Variants in THBS2 observed in about 807,000 individuals in gnomAD.
THBS2 encodes the protein thrombospondin 2.
A neutral mutation model predicts 135.2 loss-of-function variants in THBS2; 47 were observed. The ratio of observed to expected loss-of-function variants is 0.35; its 90% CI spans 0.28 to 0.44. THBS2 has a LOEUF of 0.44. THBS2 is among the 20% of genes least tolerant of loss of function. THBS2 has a pLI of 1.00. For missense variants in THBS2, 1,288 were observed against 1,603.1 expected (o/e 0.80, Z 3.36); for synonymous variants, 639 against 633.8 (o/e 1.01, Z -0.12).
intron 8 of THBS2, 102 bp downstream of exon 8, chr6:169,237,523 C>A (rs996569853): frequency 7.1e-6 from 11 of 1,553,302 alleles, no homozygotes; most frequent in Middle Eastern, 2.1e-4. Context: ...AAAGGCCCAG[C>A]ACCTCGTGAG....
At position 169,250,731 on chromosome 6, in the gene THBS2, A is replaced by C. The variant is rs1305503820; in HGVS notation, c.52+2T>G. 6.2e-7 allele frequency: 1 copy of C among 1,613,272 alleles called. No individual in the cohort carries two copies. The highest frequency in any genetic ancestry group is 8.5e-7 in the Non-Finnish European group (1 of 1,179,654). On this transcript the variant is annotated splice_donor_variant, in intron 2 of 21. Transcript: ENST00000617924. LOFTEE classifies it high-confidence loss of function. ...GAGACCACAGGCTCTGAGGACACTC[A>C]CCTTGCGTGCTGGGCCACACCCACA...
chr6:169,246,379 C>T, intron 3 of THBS2, 98 bp from the exon 4 acceptor site: 1 of 998,044 alleles, frequency 1.0e-6, no homozygotes, highest in Non-Finnish European at 1.6e-6. Context: ...TTGGAATCTT[C>T]AAGTAGTGAG....
chr6:169,227,404 CG>C (rs1779674134), intron 15 of THBS2, among the ~76,000 whole-genome samples: 1 of 152,202 alleles, frequency 6.6e-6, no homozygotes, highest in Non-Finnish European at 1.5e-5. Flanking sequence ...AAGCAGCAAC[CG>C]GGATCAGTGG....
chr6:169,227,173 G>C (rs1015784019), intron 15 of THBS2, among the ~76,000 whole-genome samples: 23 of 152,272 alleles, frequency 1.5e-4, no homozygotes, highest in Middle Eastern at 3.4e-3. Flanking sequence ...GGCTCAGAAA[G>C]GGGGTGGCTG....
chr6:169,216,106 A>G lies in THBS2; in HGVS notation c.*1716T>C, dbSNP rs1377621523. 4 of 152,180 alleles carry G rather than the reference A, an allele frequency of 2.6e-5. No individual in the cohort carries two copies. Among genetic ancestry groups the G allele is most frequent in the African/African-American group, 9.7e-5 (4 of 41,430 alleles). The allele number at this position is 152,180 out of a possible 1,614,324, so 9.4% of individuals were successfully genotyped here. ...TCGCTACATTTAATGAAGTATCCCA[A>G]CGCTTCGTTGGTCTCGGGAATACAG... On this transcript the variant is annotated 3_prime_UTR_variant, in exon 22 of 22. Coordinates refer to ENST00000617924, the MANE Select transcript of THBS2 (RefSeq NM_003247.5).
Position 169,245,112 on chromosome 6 carries a change from G to T in THBS2, c.694+1085C>A, listed in dbSNP as rs144498928. On this transcript the variant is annotated intron_variant, in intron 4 of 21. Coordinates refer to ENST00000617924, the MANE Select transcript of THBS2 (RefSeq NM_003247.5). ...TTGGAATTGAAATGGCCTGGCCTTC[G>T]TGTGCACACGGCCACACCGTGTGGC... 3.8e-3 allele frequency among the ~76,000 whole-genome samples: 576 copies of T among 152,302 alleles called. 4 individuals carry two copies. Among genetic ancestry groups the T allele is most frequent in the African/African-American group, 0.013 (555 of 41,582 alleles).
Position 169,225,264 on chromosome 6 carries a change from G to C in THBS2, c.2654C>G (p.Ala885Gly). 2.5e-6 allele frequency: 4 copies of C among 1,611,456 alleles called. No homozygotes were observed. Among genetic ancestry groups the C allele is most frequent in the Non-Finnish European group, 2.5e-6 (3 of 1,178,674 alleles). The stretch of plus-strand genomic sequence containing the variant: ...GCCCTGGCCGTCTCTGTCATGGTCA[G>C]CCTGGTTGGCGTTGGAGATGTAGGG... Reference protein sequence around the residue: ...NCPYISNANQADHDRDGQGDA... With the variant: ...NCPYISNANQGDHDRDGQGDA... Residue 885 changes from alanine (A) to glycine (G), a missense_variant, in exon 17 of 22, where the codon GCT becomes GGT. Around this residue, in one of 2 missense-constraint regions of THBS2, gnomAD observed 874 missense variants for 1,156.1 expected, o/e 0.76. Coordinates refer to ENST00000617924, the MANE Select transcript of THBS2 (RefSeq NM_003247.5).
At chr6:169,229,815 G>C (rs6422748) in intron 13 of THBS2, 136 bp from the exon 14 acceptor site, 384,497 of 641,872 alleles carry the variant, frequency 0.6, 118,137 homozygotes, top group African/African-American at 0.83. Flanking sequence ...AGCGGGAGCT[G>C]AGAGAGGAGC....
chr6:169,227,671 C>T (rs1779686309), intron 15 of THBS2, among the ~76,000 whole-genome samples: 1 of 152,172 alleles, frequency 6.6e-6, no homozygotes, highest in Non-Finnish European at 1.5e-5. Flanking sequence ...GCATGGGTCC[C>T]TATGGGAATA....
At chr6:169,218,287 T>C (rs1033439356) in intron 21 of THBS2, among the ~76,000 whole-genome samples, 2 of 147,700 alleles carry the variant, frequency 1.4e-5, no homozygotes, top group African/African-American at 5.1e-5. Context: ...GATTGGTGGA[T>C]GGATGAAATG....
chr6:169,223,228 G>A lies in THBS2; in HGVS notation c.3001+20C>T, dbSNP rs767749131. On this transcript the variant is annotated intron_variant, in intron 18 of 21. Coordinates refer to ENST00000617924, the MANE Select transcript of THBS2 (RefSeq NM_003247.5). ...CCCCCGGAGAAATGCTGGCACCACC[G>A]CCGTGTCTCAGAGACTCACCTACAG... 9 of 1,601,458 alleles carry A rather than the reference G, an allele frequency of 5.6e-6. No homozygotes were observed. Among genetic ancestry groups the A allele is most frequent in the African/African-American group, 1.3e-5 (1 of 74,750 alleles).
intron 1 of THBS2, 39 bp from the exon 2 acceptor site, chr6:169,250,845 A>G: frequency 1.3e-6 from 2 of 1,483,274 alleles, no homozygotes; most frequent in Non-Finnish European, 1.9e-6. Flanking sequence ...ATGAGTCCAC[A>G]GCTGCAACCC....
At chr6:169,232,588 C>T in intron 12 of THBS2, 76 bp downstream of exon 12, 1 of 1,531,956 alleles carries the variant, frequency 6.5e-7, no homozygotes, top group East Asian at 2.3e-5. Context: ...CCTCTCCTTC[C>T]TCCTGCTGCT....
chr6:169,218,941 GGATGA>G (rs1413828963), intron 21 of THBS2, among the ~76,000 whole-genome samples: 2 of 149,190 alleles, frequency 1.3e-5, no homozygotes, highest in Admixed American at 6.7e-5. Flanking sequence ...GTAGGTGGGT[GGATGA>G]GATGAGTGGA....
Position 169,232,946 on chromosome 6 carries a change from C to T in THBS2, c.1723G>A (p.Gly575Ser), listed in dbSNP as rs371565024. The T allele has an allele frequency of 7.0e-6, 11 of 1,569,114 alleles. No individual in the cohort carries two copies. The Admixed American group carries it at 9.6e-5, about 14-fold the overall frequency. Residue 575 changes from glycine to serine, a missense_variant, in exon 11 of 22, where the codon GGC becomes AGC. Around this residue, in one of 2 missense-constraint regions of THBS2, gnomAD observed 874 missense variants for 1,156.1 expected, o/e 0.76. Transcript: ENST00000617924. Reference sequence around the variant, plus strand: ...CCCAAGAAGCCCACAGGGCAGGAGCCGCATGACCAGGACCCATCGGGGAAG... The same window carrying T: ...CCCAAGAAGCCCACAGGGCAGGAGCTGCATGACCAGGACCCATCGGGGAAG... ...SSFPDGSWSC[G>S]SCPVGFLGNG...
rs184192325 is a variant in THBS2 at position 169,251,758 on chromosome 6, T to C, written c.-22-952A>G. Among the ~76,000 whole-genome samples the C allele has an allele frequency of 1.2e-4, 18 of 152,234 alleles. No individual in the cohort carries two copies. In the East Asian group the frequency reaches 2.3e-3, roughly 20 times the overall value. Reference sequence around the variant, plus strand: ...CCTGGAAATCCTCACCTTCCAGGAATAGAGAAACATTCCTCAGAAGAAGAG... The same window carrying C: ...CCTGGAAATCCTCACCTTCCAGGAACAGAGAAACATTCCTCAGAAGAAGAG... On this transcript the variant is annotated intron_variant, in intron 1 of 21. Coordinates refer to ENST00000617924, the MANE Select transcript of THBS2 (RefSeq NM_003247.5).
chr6:169,242,775 TTCCCACCTTCCCACCAC>T (rs1480381192), intron 4 of THBS2, among the ~76,000 whole-genome samples: 1 of 120,750 alleles, frequency 8.3e-6, no homozygotes, highest in African/African-American at 3.1e-5. Flanking sequence ...TCTTCCCATC[TTCCCACCTTCCCACCAC>T]TCCCACCTTC....
chr6:169,245,652 T>C (rs573775603), intron 4 of THBS2, among the ~76,000 whole-genome samples: 97 of 151,600 alleles, frequency 6.4e-4, no homozygotes, highest in African/African-American at 1.9e-3. Flanking sequence ...ATTAGCTGGG[T>C]GTGGTGGCGG....
intron 2 of THBS2, among the ~76,000 whole-genome samples, chr6:169,249,616 C>T (rs1479722241): frequency 6.6e-6 from 1 of 152,240 alleles, no homozygotes; most frequent in Non-Finnish European, 1.5e-5. Context: ...ACTCTTAATG[C>T]ACCCTGTGGG....
Sources: gnomAD v4.1 joint callset for allele counts (sites outside exome capture counted in the v4.1 genomes callset) on GRCh38, gnomAD v4.1.1 for gene constraint, gnomAD v4.1.1 regional missense constraint, MANE v1.5 for transcripts, NCBI Gene and HGNC (gene_info 2026-07-23, HGNC 2026-07-21) for gene names.